DIP2A: variants seen among roughly 807,000 people sequenced by gnomAD.
DIP2A encodes the protein DIP2 acetate--CoA ligase A, also known as disco-interacting protein 2 homolog A.
DIP2A carries 85 observed loss-of-function variants against 177.4 expected under a neutral mutation model. The ratio of observed to expected loss-of-function variants is 0.48; its 90% CI spans 0.40 to 0.57. The LOEUF is 0.57. Among genes scored for constraint, DIP2A ranks in the 20% least tolerant of loss-of-function variants. DIP2A has a pLI of 0.00. For synonymous variants in DIP2A, 886 were observed against 881.8 expected (o/e 1.00, Z -0.08); for missense variants, 1,791 against 2,100.2 (o/e 0.85, Z 2.88).
chr21:46,566,442 ATGT>A, intron 36 of DIP2A, 115 bp from the exon 37 acceptor site: 2 of 1,380,238 alleles, frequency 1.4e-6, no homozygotes, highest in Non-Finnish European at 2.0e-6. Context: ...CGACCTCATG[ATGT>A]TTCAGTTGAG....
intron 2 of DIP2A, among the ~76,000 whole-genome samples, chr21:46,485,927 C>T (rs185464662): frequency 2.6e-5 from 4 of 151,648 alleles, no homozygotes; most frequent in Non-Finnish European, 5.9e-5. Context: ...AAAAATTCGC[C>T]GGGCATGGTG....
intron 1 of DIP2A, among the ~76,000 whole-genome samples, chr21:46,464,990 T>G (rs1027028155): frequency 1.3e-5 from 2 of 152,096 alleles, no homozygotes; most frequent in Admixed American, 6.6e-5. Context: ...AACCAATATT[T>G]GTTGTTTCAG....
intron 1 of DIP2A, among the ~76,000 whole-genome samples, chr21:46,464,842 T>C (rs201718729): frequency 6.4e-5 from 5 of 78,602 alleles, no homozygotes; most frequent in African/African-American, 9.8e-5. Context: ...TTTTTTTTTT[T>C]TTCAAGAAAA....
the DIP2A span, among the ~76,000 whole-genome samples, chr21:46,583,856 T>C: frequency 0.11 from 16,642 of 152,156 alleles, 1,331 homozygotes; most frequent in African/African-American, 0.22. Flanking sequence ...TAAATAAATT[T>C]CTGTTCATTA....
chr21:46,502,588 C>T (rs1173551840), intron 5 of DIP2A, among the ~76,000 whole-genome samples: 1 of 151,830 alleles, frequency 6.6e-6, no homozygotes, highest in African/African-American at 2.4e-5. Flanking sequence ...GCTGGGATTA[C>T]AGGCATGCAC....
At chr21:46,511,374 G>T in intron 7 of DIP2A, 43 bp from the exon 8 acceptor site, 2 of 1,539,556 alleles carry the variant, frequency 1.3e-6, no homozygotes, top group Non-Finnish European at 1.8e-6. Context: ...TGTGTTCGTG[G>T]TGCTCTGAAT....
intron 8 of DIP2A, among the ~76,000 whole-genome samples, chr21:46,526,787 A>G (rs2148720567): frequency 6.6e-6 from 1 of 152,322 alleles, no homozygotes; most frequent in East Asian, 1.9e-4. Flanking sequence ...CAAAAGATTC[A>G]TAAGCTACAC....
chr21:46,499,297 A>G (rs2057526752), intron 5 of DIP2A, among the ~76,000 whole-genome samples: 2 of 152,184 alleles, frequency 1.3e-5, no homozygotes, highest in South Asian at 2.1e-4. Flanking sequence ...TCTCAGTGTC[A>G]TAACACCTTC....
chr21:46,474,426 C>G (rs1036208980), intron 1 of DIP2A, among the ~76,000 whole-genome samples: 2 of 152,278 alleles, frequency 1.3e-5, no homozygotes, highest in African/African-American at 2.4e-5. Context: ...GGAAAAAACT[C>G]TGAGGAACCC....
chr21:46,508,518 C>T (rs531117500), intron 6 of DIP2A, among the ~76,000 whole-genome samples: 101 of 151,356 alleles, frequency 6.7e-4, no homozygotes, highest in African/African-American at 1.9e-3. Context: ...GCCACCACAC[C>T]CGGCTAATTT....
intron 23 of DIP2A, 107 bp downstream of exon 23, chr21:46,550,851 C>T (rs1481064675): frequency 6.0e-6 from 7 of 1,171,808 alleles, no homozygotes; most frequent in Admixed American, 4.1e-5. Flanking sequence ...CTGCCCACGT[C>T]TTTGGGGCTG....
Position 46,569,523 on chromosome 21 carries a change from G to A in DIP2A, c.*1901G>A, listed in dbSNP as rs1018312352. On this transcript the variant is annotated 3_prime_UTR_variant, in exon 38 of 38. Transcript: ENST00000417564. ...ACTACCTAACTCCAATCTTAATGTT[G>A]TAGTTTTATAGCAAACAAAAATTGT... is the stretch of plus-strand genomic sequence containing the variant. The A allele has an allele frequency of 3.3e-5, 5 of 151,758 alleles. No individual in the cohort carries two copies. The highest frequency in any genetic ancestry group is 7.4e-5 in the Non-Finnish European group (5 of 67,966). The allele number at this position is 151,758 out of a possible 1,614,324, so 9.4% of individuals were successfully genotyped here. A position where few individuals can be genotyped will look rare whatever the true frequency, so the allele number is the denominator to read the frequency against.
intron 6 of DIP2A, among the ~76,000 whole-genome samples, chr21:46,507,752 G>A (rs981947420): frequency 7.8e-6 from 1 of 127,448 alleles, no homozygotes; most frequent in Non-Finnish European, 1.6e-5. Flanking sequence ...CCAGGATGGA[G>A]TGCAGTGGCT....
chr21:46,563,960 G>C lies in DIP2A; in HGVS notation c.4164+28G>C. On this transcript the variant is annotated intron_variant, in intron 35 of 37. Transcript: ENST00000417564. The surrounding 1 kb of genome is among the most constrained non-coding windows in gnomAD (Gnocchi z 4.3). Reference sequence around the variant, plus strand: ...GAGCAGGGGCCCATGGGAGGGGCTTGAGCTCTCCAGCCTCACCAGCTTCAC... The same window carrying C: ...GAGCAGGGGCCCATGGGAGGGGCTTCAGCTCTCCAGCCTCACCAGCTTCAC... 1 of 1,607,048 alleles carries C rather than the reference G, an allele frequency of 6.2e-7. No homozygotes were observed. The highest frequency in any genetic ancestry group is 8.5e-7 in the Non-Finnish European group (1 of 1,177,154).
In DIP2A at chr21:46,565,895, GT is replaced by G; in HGVS notation, c.4339+10del. 1 of 1,613,720 alleles carries G rather than the reference GT, an allele frequency of 6.2e-7. No individual in the cohort carries two copies. Among genetic ancestry groups the G allele is most frequent in the Non-Finnish European group, 8.5e-7 (1 of 1,179,862 alleles). On this transcript the variant is annotated intron_variant, in intron 36 of 37. Transcript: ENST00000417564. ...TCACTGATGCCAGTGGAGGTGAGGG[GT>G]TGTGGTGAAGCCCTGCGTGAGTGCT...
At chr21:46,554,786 G>GCGC in intron 27 of DIP2A, 36 bp from the exon 28 acceptor site, 1 of 1,519,126 alleles carries the variant, frequency 6.6e-7, no homozygotes, top group South Asian at 1.2e-5. Context: ...AGCTTGAGAG[G>GCGC]CCCCGCCCAC....
At chr21:46,463,944 G>A (rs974504975) in intron 1 of DIP2A, among the ~76,000 whole-genome samples, 5 of 151,396 alleles carry the variant, frequency 3.3e-5, no homozygotes, top group African/African-American at 1.2e-4. Flanking sequence ...TCCTGACCTC[G>A]TGATCCACCT....
At chr21:46,533,749 A>G (rs1242397948) in intron 11 of DIP2A, 102 bp downstream of exon 11, 24 of 1,519,828 alleles carry the variant, frequency 1.6e-5, no homozygotes, top group Non-Finnish European at 2.0e-5. Context: ...CTGGGTCTTC[A>G]GCAAAAGTGA....
chr21:46,493,435 C>A, intron 3 of DIP2A, among the ~76,000 whole-genome samples: 1 of 152,098 alleles, frequency 6.6e-6, no homozygotes, highest in East Asian at 1.9e-4. Context: ...TGCCTTTTTC[C>A]ATGAGTGTTT....
Sources: gnomAD v4.1 joint callset for allele counts (sites outside exome capture counted in the v4.1 genomes callset) on GRCh38, gnomAD v4.1.1 for gene constraint, Gnocchi (gnomAD v3.1) non-coding constraint, MANE v1.5 for transcripts, NCBI Gene and HGNC (gene_info 2026-07-23, HGNC 2026-07-21) for gene names.